AJAP1: variants seen among roughly 807,000 people sequenced by gnomAD.
AJAP1 encodes the protein adherens junction-associated protein 1.
A neutral mutation model predicts 35.0 loss-of-function variants in AJAP1; 5 were observed. That is an observed-to-expected ratio of 0.14 (90% confidence interval 0.07 to 0.30). The LOEUF (loss-of-function observed/expected upper bound fraction) is 0.30, where lower values mean the gene tolerates loss of function less well. AJAP1 is among the 10% of genes least tolerant of loss of function. The pLI is 1.00. For missense variants in AJAP1, 586 were observed against 571.0 expected (o/e 1.03, Z -0.27); for synonymous variants, 284 against 249.3 (o/e 1.14, Z -1.31).
intron 2 of AJAP1, 80 bp from the exon 3 acceptor site, chr1:4,769,773 G>A: frequency 8.1e-7 from 1 of 1,230,132 alleles, no homozygotes; most frequent in South Asian, 1.2e-5. Context: ...TTGGGGGGAT[G>A]CACCTCCACC....
chr1:4,715,079 T>C (rs1376297432), intron 2 of AJAP1, among the ~76,000 whole-genome samples: 2 of 152,138 alleles, frequency 1.3e-5, no homozygotes, highest in South Asian at 2.1e-4. Context: ...CTTCCCCAGA[T>C]GGAAGGAGTG....
intron 1 of AJAP1, among the ~76,000 whole-genome samples, chr1:4,696,896 A>G (rs574481619): frequency 2.0e-5 from 3 of 152,012 alleles, no homozygotes; most frequent in Admixed American, 6.5e-5. Context: ...CCATGTGTGC[A>G]TATGACTGTG....
chr1:4,770,121 G>C (rs1641802515), intron 3 of AJAP1, among the ~76,000 whole-genome samples, 181 bp downstream of exon 3: 1 of 152,244 alleles, frequency 6.6e-6, no homozygotes, highest in South Asian at 2.1e-4. Context: ...CCCCTCTCCT[G>C]GTTTCCCTGC....
intron 2 of AJAP1, among the ~76,000 whole-genome samples, chr1:4,754,077 G>C (rs949016766): frequency 6.6e-6 from 1 of 152,188 alleles, no homozygotes; most frequent in African/African-American, 2.4e-5. Flanking sequence ...ACATTGACCA[G>C]CTATAGTCCA....
intron 2 of AJAP1, among the ~76,000 whole-genome samples, chr1:4,751,813 T>A (rs768786532): frequency 2.0e-5 from 3 of 152,144 alleles, no homozygotes; most frequent in African/African-American, 7.2e-5. Flanking sequence ...CCACTATGTG[T>A]ACAGTAAGAT....
At chr1:4,778,160 C>T (rs1459385381) in intron 5 of AJAP1, among the ~76,000 whole-genome samples, 2 of 152,214 alleles carry the variant, frequency 1.3e-5, no homozygotes, top group Non-Finnish European at 2.9e-5. Context: ...TCCTTCCAGG[C>T]AGCAGAGGGC....
At chr1:4,717,900 G>T (rs1640432525) in intron 2 of AJAP1, among the ~76,000 whole-genome samples, 1 of 152,188 alleles carries the variant, frequency 6.6e-6, no homozygotes, top group Admixed American at 6.5e-5. Context: ...TTAAGTTGCT[G>T]GGTGTTTGCT....
intron 2 of AJAP1, among the ~76,000 whole-genome samples, chr1:4,737,771 A>C (rs1640963343): frequency 6.6e-6 from 1 of 152,190 alleles, no homozygotes; most frequent in Non-Finnish European, 1.5e-5. Context: ...GTAGTGGTGC[A>C]TGCACCTGTG....
At chr1:4,687,700 C>G (rs1225565006) in intron 1 of AJAP1, among the ~76,000 whole-genome samples, 2 of 152,184 alleles carry the variant, frequency 1.3e-5, no homozygotes, top group African/African-American at 4.8e-5. Context: ...CCCTGTCACT[C>G]TGAGAAGAAC....
At chr1:4,779,442 G>A (rs1395082064) in intron 5 of AJAP1, among the ~76,000 whole-genome samples, 4 of 151,834 alleles carry the variant, frequency 2.6e-5, no homozygotes, top group African/African-American at 9.7e-5. Flanking sequence ...TCACACGGGA[G>A]ACTTTCACAT....
intron 1 of AJAP1, among the ~76,000 whole-genome samples, chr1:4,674,615 G>C (rs1158388913): frequency 2.0e-5 from 3 of 152,212 alleles, no homozygotes; most frequent in African/African-American, 7.2e-5. Flanking sequence ...TAGGCACCAG[G>C]AGTGGCTGGC....
rs959844805 is a variant in AJAP1 at position 4,723,507 on chromosome 1, G to A, written c.829+10808G>A. 6.6e-6 allele frequency among the ~76,000 whole-genome samples: 1 copy of A among 152,196 alleles called. No individual in the cohort carries two copies. The highest frequency in any genetic ancestry group is 1.5e-5 in the Non-Finnish European group (1 of 68,040). Reference sequence around the variant, plus strand: ...GCCCACCGGGAGGAGGTGGCCAGGAGGCTGCAGGAGAAAGCTGTTCCCAGA... The same window carrying A: ...GCCCACCGGGAGGAGGTGGCCAGGAAGCTGCAGGAGAAAGCTGTTCCCAGA... On this transcript the variant is annotated intron_variant, in intron 2 of 5. Transcript: ENST00000378191. The surrounding 1 kb of genome is among the most constrained non-coding windows in gnomAD (Gnocchi z 4.3).
chr1:4,682,582 C>A (rs1368357299), intron 1 of AJAP1, among the ~76,000 whole-genome samples: 1 of 152,220 alleles, frequency 6.6e-6, no homozygotes, highest in African/African-American at 2.4e-5. Context: ...CCCAAGACTG[C>A]ATGGTGTGGT....
In AJAP1 at chr1:4,782,688, AG is replaced by A. The variant is rs765152170; in HGVS notation, c.*205del. The A allele has an allele frequency of 7.7e-4, 305 of 398,602 alleles. No homozygotes were observed. Among genetic ancestry groups the A allele is most frequent in the Non-Finnish European group, 1.1e-3 (241 of 226,062 alleles). 24.7% of individuals were successfully genotyped at this position (398,602 alleles called of 1,614,324 possible). On this transcript the variant is annotated 3_prime_UTR_variant, in exon 6 of 6. Coordinates refer to ENST00000378191, the MANE Select transcript of AJAP1 (RefSeq NM_018836.4). This position sits in a 1 kb window ranked among gnomAD's most constrained non-coding sequence, Gnocchi z 5.3. ...GGAAACTCACAGAGCAGGACGCTCT[AG>A]GCCAAATCTATTTTTGTAAAAATGC...
chr1:4,769,928 T>A lies in AJAP1; in HGVS notation c.905T>A (p.Val302Asp), dbSNP rs575870855. The A allele has an allele frequency of 6.2e-7, 1 of 1,613,780 alleles. No homozygotes were observed. The highest frequency in any genetic ancestry group is 1.1e-5 in the South Asian group (1 of 91,070). ...ATAGCTGCTCTCATCACAACTCTTG[T>A]CTTAAAAAATTGGTAAGGCTCCTTG... is the stretch of plus-strand genomic sequence containing the variant. ...MVIAALITTL[V>D]LKNCCAQSGN... The change falls in exon 3 of 6, where the codon GTC (valine) becomes GAC (aspartate). Residue 302 changes from valine (V) to aspartate (D), a missense_variant. By Grantham distance (152) the Val-to-Asp change is radical. Transcript: ENST00000378191.
At chr1:4,691,786 A>C (rs1211673703) in intron 1 of AJAP1, among the ~76,000 whole-genome samples, 1 of 151,906 alleles carries the variant, frequency 6.6e-6, no homozygotes, top group Non-Finnish European at 1.5e-5. Context: ...CGGTGGTGAA[A>C]ACGTGTGTGG....
At chr1:4,688,990 C>A (rs372101683) in intron 1 of AJAP1, among the ~76,000 whole-genome samples, 5 of 152,038 alleles carry the variant, frequency 3.3e-5, no homozygotes, top group Non-Finnish European at 7.4e-5. Flanking sequence ...CAGTACCCAC[C>A]AGTGGGAAGA....
chr1:4,689,733 G>A (rs1012028109), intron 1 of AJAP1, among the ~76,000 whole-genome samples: 1 of 152,222 alleles, frequency 6.6e-6, no homozygotes, highest in African/African-American at 2.4e-5. Flanking sequence ...GCGTGAACCC[G>A]CTTTCAAGCT....
rs5772177 is a variant in AJAP1 at position 4,688,771 on chromosome 1, CAAAAAAAAAAAA to C, written c.30-23118_30-23107del. On this transcript the variant is annotated intron_variant, in intron 1 of 5. Transcript: ENST00000378191. ...TAGGTGACAGAGTGAGACTCCGTCT[CAAAAAAAAAAAA>C]AAAAAAAAAAGAAAGGATCGTGATG... Among the ~76,000 whole-genome samples, 6 of 87,948 alleles carry C rather than the reference CAAAAAAAAAAAA, an allele frequency of 6.8e-5. 1 individual carries two copies. The highest frequency in any genetic ancestry group is 1.3e-4 in the Admixed American group (1 of 7,808). 57.7% of individuals were successfully genotyped at this position (87,948 alleles called of 152,430 possible).
Sources: allele counts gnomAD v4.1 joint callset (sites outside exome capture counted in the v4.1 genomes callset), GRCh38; gene constraint gnomAD v4.1.1; non-coding constraint Gnocchi (gnomAD v3.1); transcripts MANE v1.5; gene names NCBI Gene and HGNC (gene_info 2026-07-23, HGNC 2026-07-21).